MAGI2: variants seen among roughly 807,000 people sequenced by gnomAD.
The protein encoded by MAGI2 is membrane-associated guanylate kinase, WW and PDZ domain-containing protein 2.
MAGI2 carries 35 observed loss-of-function variants against 133.3 expected under a neutral mutation model. That is an observed-to-expected ratio of 0.26 (90% confidence interval 0.20 to 0.35). MAGI2 has a LOEUF of 0.35. Among genes scored for constraint, MAGI2 ranks in the 10% least tolerant of loss-of-function variants. MAGI2 has a pLI of 1.00. For missense variants in MAGI2, 1,636 were observed against 1,863.4 expected, an observed-to-expected ratio of 0.88 and a Z score of 2.25; for synonymous variants, 729 against 710.6, an observed-to-expected ratio of 1.03 and a Z score of -0.41.
At position 78,089,120 on chromosome 7, in the gene MAGI2, A is replaced by C. The variant is rs1182290577; in HGVS notation, c.3568-10035T>G. Among the ~76,000 whole-genome samples, 10 of 152,250 alleles carry C rather than the reference A, an allele frequency of 6.6e-5. No individual in the cohort carries two copies. The South Asian group carries it at 2.1e-3, about 31-fold the overall frequency. The stretch of plus-strand genomic sequence containing the variant: ...CCTGCTGACATGGTACTTTGATTTT[A>C]ACCCAGTGAAACAAACCGATTTCAG... On this transcript the variant is annotated intron_variant, in intron 20 of 21. Transcript: ENST00000354212.
intron 12 of MAGI2, among the ~76,000 whole-genome samples, chr7:78,186,456 G>A (rs2150710302): frequency 6.6e-6 from 1 of 152,292 alleles, no homozygotes. Context: ...ACATGGTGGA[G>A]ATGTGCAACT....
In MAGI2 at chr7:78,851,739, C is replaced by T. The variant is rs1017586887; in HGVS notation, c.418+155351G>A. Among the ~76,000 whole-genome samples the T allele has an allele frequency of 1.4e-4, 21 of 152,222 alleles. 1 individual carries two copies. Among genetic ancestry groups the T allele is most frequent in the African/African-American group, 4.1e-4 (17 of 41,556 alleles). ...TATGTCTGAGATCCATCCATGTTGA[C>T]GTCTGTAGTTAGAGTTCATTCATTT... On this transcript the variant is annotated intron_variant, in intron 2 of 21. Transcript: ENST00000354212.
At chr7:79,026,097 CT>C (rs1809857125) in intron 1 of MAGI2, among the ~76,000 whole-genome samples, 3 of 152,166 alleles carry the variant, frequency 2.0e-5, no homozygotes, top group African/African-American at 7.2e-5. Context: ...TGAAAATTCA[CT>C]TTTAGACATC....
intron 21 of MAGI2, among the ~76,000 whole-genome samples, chr7:78,043,802 A>G (rs1428130386): frequency 1.3e-5 from 2 of 152,228 alleles, no homozygotes; most frequent in Non-Finnish European, 2.9e-5. Flanking sequence ...AAATAATTAT[A>G]AACCTTAAGA....
chr7:79,027,518 C>T (rs1014384647), intron 1 of MAGI2, among the ~76,000 whole-genome samples: 2 of 151,764 alleles, frequency 1.3e-5, no homozygotes, highest in Non-Finnish European at 2.9e-5. Flanking sequence ...CTCATAGAAG[C>T]CAAGAGTAGA....
intron 2 of MAGI2, among the ~76,000 whole-genome samples, chr7:78,730,100 A>T (rs1172895481): frequency 6.6e-6 from 1 of 152,154 alleles, no homozygotes; most frequent in African/African-American, 2.4e-5. Context: ...TAAGCATAGA[A>T]GTTCAAAGCT....
At position 79,021,989 on chromosome 7, in the gene MAGI2, A is replaced by G. The variant is rs1584707213; in HGVS notation, c.302-14783T>C. ...AGTTCTCTCAAGATCTGATGGCTTC[A>G]TAAGGGTTTCCCCCATTTGCTCAGC... On this transcript the variant is annotated intron_variant, in intron 1 of 21. Coordinates refer to ENST00000354212, the MANE Select transcript of MAGI2 (RefSeq NM_012301.4). 2.6e-5 allele frequency among the ~76,000 whole-genome samples: 4 copies of G among 152,304 alleles called. 1 individual carries two copies. The highest frequency in any genetic ancestry group is 6.5e-5 in the Admixed American group (1 of 15,298).
At chr7:79,348,997 C>T (rs189680200) in intron 1 of MAGI2, among the ~76,000 whole-genome samples, 103 of 151,646 alleles carry the variant, frequency 6.8e-4, no homozygotes, top group Non-Finnish European at 1.3e-3. Context: ...GTATTTAGCT[C>T]AAAAAAAGAC....
chr7:79,325,297 CCCTTTGCT>C (rs1839605502), intron 1 of MAGI2, among the ~76,000 whole-genome samples: 1 of 152,102 alleles, frequency 6.6e-6, no homozygotes, highest in Non-Finnish European at 1.5e-5. Flanking sequence ...TCGTAACCCT[CCCTTTGCT>C]CATGCTCGTG....
chr7:79,260,490 A>G (rs1834003440), intron 1 of MAGI2, among the ~76,000 whole-genome samples: 1 of 152,214 alleles, frequency 6.6e-6, no homozygotes, highest in African/African-American at 2.4e-5. Flanking sequence ...GAATCTGCCT[A>G]TTATCAAAGA....
chr7:78,178,974 A>G (rs910225064), intron 13 of MAGI2, among the ~76,000 whole-genome samples: 4 of 152,172 alleles, frequency 2.6e-5, no homozygotes, highest in African/African-American at 9.7e-5. Flanking sequence ...TAAATATAAA[A>G]AGTTTTGACT....
intron 6 of MAGI2, among the ~76,000 whole-genome samples, chr7:78,379,028 A>C (rs537443148): frequency 6.6e-6 from 1 of 152,164 alleles, no homozygotes; most frequent in East Asian, 1.9e-4. Context: ...TACAAAGACA[A>C]ACATTAGAAC....
At chr7:78,400,151 C>T (rs1235820005) in intron 6 of MAGI2, among the ~76,000 whole-genome samples, 1 of 152,122 alleles carries the variant, frequency 6.6e-6, no homozygotes, top group Non-Finnish European at 1.5e-5. Flanking sequence ...TGGACCAATA[C>T]CATCGAGCTT....
At chr7:79,386,458 A>G (rs958117024) in intron 1 of MAGI2, among the ~76,000 whole-genome samples, 1 of 152,078 alleles carries the variant, frequency 6.6e-6, no homozygotes, top group African/African-American at 2.4e-5. Flanking sequence ...TGTGATTGAC[A>G]GCAGAGCTAA....
chr7:78,156,106 T>A (rs1339134394), intron 16 of MAGI2, among the ~76,000 whole-genome samples: 1 of 152,168 alleles, frequency 6.6e-6, no homozygotes, highest in Non-Finnish European at 1.5e-5. Context: ...TTTCGATGAT[T>A]TCCATTACTT....
intron 2 of MAGI2, among the ~76,000 whole-genome samples, chr7:78,674,745 T>C (rs1455871464): frequency 6.6e-6 from 1 of 152,134 alleles, no homozygotes; most frequent in Non-Finnish European, 1.5e-5. Flanking sequence ...TATTCAATGT[T>C]AAGGCCCAAG....
At chr7:78,581,299 T>TTC (rs1287636697) in intron 3 of MAGI2, among the ~76,000 whole-genome samples, 1 of 152,180 alleles carries the variant, frequency 6.6e-6, no homozygotes, top group Non-Finnish European at 1.5e-5. Context: ...TACCTCTTGC[T>TTC]TCTCTCCAAG....
intron 4 of MAGI2, among the ~76,000 whole-genome samples, chr7:78,503,628 C>G (rs143704805): frequency 0.019 from 2,078 of 111,938 alleles, 38 homozygotes; most frequent in Middle Eastern, 0.068. Flanking sequence ...CCTCCCACTC[C>G]TCTCCCTCCC....
At chr7:78,855,375 G>A (rs976933939) in intron 2 of MAGI2, among the ~76,000 whole-genome samples, 2 of 152,082 alleles carry the variant, frequency 1.3e-5, no homozygotes, top group African/African-American at 4.8e-5. Context: ...ATTTACATTA[G>A]GTATATCTCC....
Sources: allele counts gnomAD v4.1 joint callset (sites outside exome capture counted in the v4.1 genomes callset), GRCh38; gene constraint gnomAD v4.1.1; transcripts MANE v1.5; gene names NCBI Gene and HGNC (gene_info 2026-07-23, HGNC 2026-07-21).